The following CTSE variants were observed in gnomAD, a reference collection of about 807,000 sequenced individuals.
CTSE encodes erythrocyte membrane aspartic proteinase.
Under a neutral mutation model 42.8 loss-of-function variants are expected in CTSE, and 43 were observed. The ratio of observed to expected loss-of-function variants is 1.01; its 90% CI spans 0.79 to 1.30. The LOEUF (loss-of-function observed/expected upper bound fraction) is 1.30. CTSE is among the 50% of genes most tolerant of loss of function. The pLI is 0.00. For synonymous variants in CTSE, 205 were observed against 191.5 expected, an observed-to-expected ratio of 1.07 and a Z score of -0.58; for missense variants, 532 against 493.5, an observed-to-expected ratio of 1.08 and a Z score of -0.74.
chr1:206,017,230 A>G (rs1661287390), intron 4 of CTSE, among the ~76,000 whole-genome samples: 1 of 152,040 alleles, frequency 6.6e-6, no homozygotes, highest in Admixed American at 6.6e-5. Context: ...TCTATTTGCC[A>G]TTTGTTTTAC....
chr1:206,016,011 C>T lies in CTSE; in HGVS notation c.582G>A (p.Val194=), dbSNP rs1553277663. The stretch of plus-strand genomic sequence containing the variant: ...TGTCAAATACTGGAGTCACTCCTCC[C>T]ACAGCCAAGGAGGGGTATCCCAGGC... The part of the protein sequence containing the change: ...ILGLGYPSLA[V]GGVTPVFDNM... The change falls in exon 5 of 9, where the codon GTG becomes GTA. Residue 194 remains valine, a synonymous_variant. Transcript: ENST00000358184. The T allele has an allele frequency of 6.2e-7, 1 of 1,613,762 alleles. No individual in the cohort carries two copies. The highest frequency in any genetic ancestry group is 1.7e-5 in the Admixed American group (1 of 59,986).
intron 6 of CTSE, 32 bp downstream of exon 6, chr1:206,013,740 A>G: frequency 6.2e-7 from 1 of 1,609,534 alleles, no homozygotes; most frequent in African/African-American, 1.3e-5. Context: ...GTTTACCCCT[A>G]GTACTGTCAC....
intron 3 of CTSE, among the ~76,000 whole-genome samples, chr1:206,021,921 A>G (rs1266127723): frequency 1.3e-5 from 2 of 152,116 alleles, no homozygotes; most frequent in Non-Finnish European, 1.5e-5. Context: ...AATTCTGATC[A>G]GTATGAAAGT....
chr1:206,018,567 A>G (rs1661324269), intron 4 of CTSE, among the ~76,000 whole-genome samples: 1 of 151,950 alleles, frequency 6.6e-6, no homozygotes, highest in Non-Finnish European at 1.5e-5. Flanking sequence ...TTGTGGAAAG[A>G]TTTTTTAATA....
rs138037642 is a variant in CTSE, at chr1:206,022,184, C to G, written c.309G>C (p.Trp103Cys). Residue 103 changes from tryptophan (W) to cysteine (C), a missense_variant, in exon 3 of 9, where the codon TGG (tryptophan) becomes TGC (cysteine). Transcript: ENST00000358184. ...GGCTAGTGCAGTACACAGAGGGGAC[C>G]CAGAGGTTGGAGGAGCCAGTGTCGA... is the stretch of plus-strand genomic sequence containing the variant. The part of the protein sequence containing the change: ...VIFDTGSSNL[W>C]VPSVYCTSPA... 676 of 1,612,414 alleles carry G rather than the reference C, an allele frequency of 4.2e-4. 3 individuals are homozygous for G. In the African/African-American group the frequency reaches 6.5e-3, roughly 15 times the overall value.
At chr1:206,022,767 C>T (rs1010697196) in intron 2 of CTSE, 134 bp downstream of exon 2, 2 of 877,434 alleles carry the variant, frequency 2.3e-6, no homozygotes, top group African/African-American at 1.7e-5. Flanking sequence ...GGGAATCAGT[C>T]CCCATGGATC....
At position 206,012,365 on chromosome 1, in the gene CTSE, G is replaced by A; in HGVS notation, c.969C>T (p.Val323=). The change falls in exon 8 of 9, where the codon GTC becomes GTT. Residue 323 remains valine, a synonymous_variant. Coordinates refer to ENST00000358184, the MANE Select transcript of CTSE (RefSeq NM_001910.4). The part of the protein sequence containing the change: ...ECANLNVMPD[V]TFTINGVPYT... ...AGGGGACTCCGTTAATGGTGAAGGT[G>A]ACATCCGGCATGACGTTAAGGTTGG... 1 of 1,613,942 alleles carries A rather than the reference G, an allele frequency of 6.2e-7. No homozygotes were observed. Among genetic ancestry groups the A allele is most frequent in the Non-Finnish European group, 8.5e-7 (1 of 1,179,912 alleles).
At chr1:206,017,756 C>T (rs751626164) in intron 4 of CTSE, among the ~76,000 whole-genome samples, 6 of 152,150 alleles carry the variant, frequency 3.9e-5, no homozygotes, top group South Asian at 4.2e-4. Flanking sequence ...GGATTACAGG[C>T]GTGAGCCACT....
Position 206,010,243 on chromosome 1 carries a change from C to G in CTSE, c.1131G>C (p.Gln377His), listed in dbSNP as rs1661050588. The G allele has an allele frequency of 1.2e-6, 2 of 1,613,824 alleles. No homozygotes were observed. Among genetic ancestry groups the G allele is most frequent in the Non-Finnish European group, 1.7e-6 (2 of 1,179,820 alleles). Reference sequence around the variant, plus strand: ...TCCCACGGTCAAAGACTGAGTAAAACTGTCGAATGAAGACATCCCCCAGGA... The same window carrying G: ...TCCCACGGTCAAAGACTGAGTAAAAGTGTCGAATGAAGACATCCCCCAGGA... ...LWILGDVFIR[Q>H]FYSVFDRGNN... The change falls in exon 9 of 9, where the codon CAG becomes CAC. Residue 377 changes from glutamine (Q) to histidine (H), a missense_variant. Gln to His is a conservative substitution (Grantham distance 24, BLOSUM62 0). Coordinates refer to ENST00000358184, the MANE Select transcript of CTSE (RefSeq NM_001910.4).
intron 1 of CTSE, among the ~76,000 whole-genome samples, chr1:206,023,268 G>C (rs922797121): frequency 6.6e-6 from 1 of 151,946 alleles, no homozygotes; most frequent in Non-Finnish European, 1.5e-5. Flanking sequence ...TAGAATCTTA[G>C]AGTGGAAATG....
intron 4 of CTSE, among the ~76,000 whole-genome samples, chr1:206,017,392 A>G (rs1661292204): frequency 1.3e-5 from 2 of 152,110 alleles, no homozygotes; most frequent in Non-Finnish European, 2.9e-5. Context: ...TAAACTGGTA[A>G]GTATAATGCA....
At chr1:206,014,905 A>T (rs1461127945) in intron 5 of CTSE, among the ~76,000 whole-genome samples, 2 of 152,004 alleles carry the variant, frequency 1.3e-5, no homozygotes, top group African/African-American at 4.8e-5. Flanking sequence ...TTGATAGGGA[A>T]AATCCAGGAC....
chr1:206,012,827 C>T (rs776202514), intron 6 of CTSE, among the ~76,000 whole-genome samples, 178 bp from the exon 7 acceptor site: 25 of 152,078 alleles, frequency 1.6e-4, no homozygotes, highest in Non-Finnish European at 2.8e-4. Flanking sequence ...CTTCTTGACC[C>T]AGTGCACACA....
chr1:206,010,114 G>A lies in CTSE; in HGVS notation c.*69C>T. On this transcript the variant is annotated 3_prime_UTR_variant, in exon 9 of 9. Transcript: ENST00000358184. ...CTCTGGAAAATAACTTTTTGTAGGT[G>A]TAAAGAATGCCCCAGCCTAACATAT... 1 of 1,595,182 alleles carries A rather than the reference G, an allele frequency of 6.3e-7. No individual in the cohort carries two copies. The highest frequency in any genetic ancestry group is 8.6e-7 in the Non-Finnish European group (1 of 1,164,332).
At chr1:206,016,190 G>T in intron 4 of CTSE, 60 bp from the exon 5 acceptor site, 2 of 1,504,546 alleles carry the variant, frequency 1.3e-6, no homozygotes, top group Non-Finnish European at 1.8e-6. Context: ...CTGGCAAAGG[G>T]TTTGACTCCT....
intron 2 of CTSE, 81 bp from the exon 3 acceptor site, chr1:206,022,348 TC>T: frequency 1.0e-6 from 1 of 955,390 alleles, no homozygotes; most frequent in Non-Finnish European, 1.6e-6. Context: ...AGGGGAAAGC[TC>T]CCAGGGGCCA....
In CTSE at chr1:206,023,785, T is replaced by C. The variant is rs1553278867; in HGVS notation, c.7A>G (p.Thr3Ala). The C allele has an allele frequency of 2.5e-6, 4 of 1,613,372 alleles. No individual in the cohort carries two copies. The highest frequency in any genetic ancestry group is 1.7e-5 in the Admixed American group (1 of 59,962). Residue 3 changes from threonine (T) to alanine (A), a missense_variant, in exon 1 of 9, where the codon ACG becomes GCG. Transcript: ENST00000358184. Reference protein sequence around the residue: MKTLLLLLLVLLE... With the variant: MKALLLLLLVLLE... The stretch of plus-strand genomic sequence containing the variant: ...AGCACCAGCAGCAAAAGAAGGAGCG[T>C]TTTCATTGTGAGTCCGACCAGCAGC...
chr1:206,013,312 G>A (rs1553277310), intron 6 of CTSE, among the ~76,000 whole-genome samples: 1 of 152,040 alleles, frequency 6.6e-6, no homozygotes, highest in Non-Finnish European at 1.5e-5. Context: ...CATTCAGATA[G>A]AAGCGGTCAT....
intron 8 of CTSE, among the ~76,000 whole-genome samples, 176 bp downstream of exon 8, chr1:206,012,132 G>A (rs1248405638): frequency 1.3e-5 from 2 of 152,100 alleles, no homozygotes; most frequent in African/African-American, 4.8e-5. Context: ...AGCAAGCCCC[G>A]TGGTCTTTCC....
Sources: allele counts gnomAD v4.1 joint callset (sites outside exome capture counted in the v4.1 genomes callset), GRCh38; gene constraint gnomAD v4.1.1; transcripts MANE v1.5; gene names NCBI Gene and HGNC (gene_info 2026-07-23, HGNC 2026-07-21).